Variants in BICC1 observed in about 807,000 individuals in gnomAD.
The protein encoded by BICC1 is protein bicaudal C homolog 1.
BICC1 carries 43 observed loss-of-function variants against 111.0 expected under a neutral mutation model. The observed-to-expected ratio is 0.39, with a 90% CI of 0.30 to 0.50. BICC1 has a LOEUF of 0.50. Among genes scored for constraint, BICC1 ranks in the 20% least tolerant of loss-of-function variants. BICC1 has a pLI of 0.88. For missense variants in BICC1, 1,091 were observed against 1,203.2 expected (o/e 0.91, Z 1.38); for synonymous variants, 467 against 434.4 (o/e 1.07, Z -0.93).
chr10:58,541,390 T>C (rs762424665), intron 1 of BICC1, among the ~76,000 whole-genome samples: 4 of 152,104 alleles, frequency 2.6e-5, no homozygotes. Context: ...CAAAAGTCAG[T>C]TACATTTCTA....
intron 3 of BICC1, among the ~76,000 whole-genome samples, chr10:58,713,984 A>G (rs1840656888): frequency 6.6e-6 from 1 of 152,208 alleles, no homozygotes; most frequent in Non-Finnish European, 1.5e-5. Context: ...CAATATCTGG[A>G]GACATTTTTC....
chr10:58,575,592 GT>G (rs757034862), intron 1 of BICC1, among the ~76,000 whole-genome samples: 1 of 150,412 alleles, frequency 6.6e-6, no homozygotes, highest in East Asian at 2.0e-4. Context: ...GTTGTTGTTG[GT>G]TTTTTTTTGT....
intron 2 of BICC1, among the ~76,000 whole-genome samples, chr10:58,660,655 A>C (rs12412128): frequency 0.4 from 61,153 of 152,004 alleles, 14,017 homozygotes; most frequent in African/African-American, 0.61. Context: ...CAGTATTCCA[A>C]CTACTCAAGA....
intron 3 of BICC1, among the ~76,000 whole-genome samples, chr10:58,727,310 C>T (rs1184635775): frequency 2.0e-5 from 3 of 152,106 alleles, no homozygotes; most frequent in East Asian, 1.9e-4. Context: ...TTTCAGGCTG[C>T]GCACAATGGC....
chr10:58,678,323 A>G (rs1839409263), intron 2 of BICC1, among the ~76,000 whole-genome samples: 1 of 152,252 alleles, frequency 6.6e-6, no homozygotes, highest in African/African-American at 2.4e-5. Context: ...AAAGACACAC[A>G]TAGTCTCAAA....
At chr10:58,717,547 G>T (rs1840786711) in intron 3 of BICC1, among the ~76,000 whole-genome samples, 1 of 152,054 alleles carries the variant, frequency 6.6e-6, no homozygotes, top group Non-Finnish European at 1.5e-5. Flanking sequence ...AATAAGCAGA[G>T]AACTTCTTCT....
intron 1 of BICC1, among the ~76,000 whole-genome samples, chr10:58,590,979 C>G (rs1321573038): frequency 1.3e-5 from 2 of 152,196 alleles, no homozygotes; most frequent in Non-Finnish European, 2.9e-5. Flanking sequence ...TTTTCTAGTT[C>G]AATGATCTTT....
At chr10:58,670,026 A>G (rs1839134566) in intron 2 of BICC1, among the ~76,000 whole-genome samples, 1 of 152,194 alleles carries the variant, frequency 6.6e-6, no homozygotes, top group African/African-American at 2.4e-5. Context: ...TTTTAAAGAA[A>G]TGCAGCTTGG....
At chr10:58,739,121 G>A (rs11006243) in intron 3 of BICC1, among the ~76,000 whole-genome samples, 5,731 of 152,214 alleles carry the variant, frequency 0.038, 402 homozygotes, top group African/African-American at 0.13. Flanking sequence ...CCAACACTAT[G>A]TTGAATGGGA....
chr10:58,614,419 A>G (rs1845535701), intron 1 of BICC1, among the ~76,000 whole-genome samples: 1 of 152,336 alleles, frequency 6.6e-6, no homozygotes. Flanking sequence ...TTGAGGTAAA[A>G]TCAGGCTCAG....
intron 1 of BICC1, among the ~76,000 whole-genome samples, chr10:58,568,047 C>T (rs956087636): frequency 2.0e-5 from 3 of 152,122 alleles, no homozygotes; most frequent in Non-Finnish European, 4.4e-5. Context: ...CAGTCAGTGG[C>T]ATTCTACTCC....
At chr10:58,795,212 T>A (rs1040147180) in intron 9 of BICC1, among the ~76,000 whole-genome samples, 2 of 152,208 alleles carry the variant, frequency 1.3e-5, no homozygotes, top group African/African-American at 4.8e-5. Flanking sequence ...ATAATATGTA[T>A]TTTATATAAT....
At position 58,711,749 on chromosome 10, in the gene BICC1, G is replaced by C. The variant is rs191121443; in HGVS notation, c.307+9606G>C. On this transcript the variant is annotated intron_variant, in intron 3 of 20. Transcript: ENST00000373886. ...AGGGTCAGAGAGGAAAATGGTCTCA[G>C]CTTTTCAGTTATCTTCTCAAGCCTA... is the stretch of plus-strand genomic sequence containing the variant. 1.9e-3 allele frequency among the ~76,000 whole-genome samples: 280 copies of C among 150,742 alleles called. 1 individual carries two copies. Among genetic ancestry groups the C allele is most frequent in the African/African-American group, 6.6e-3 (269 of 41,050 alleles).
intron 2 of BICC1, among the ~76,000 whole-genome samples, chr10:58,645,549 A>T (rs1838245276): frequency 6.6e-6 from 1 of 152,154 alleles, no homozygotes; most frequent in Non-Finnish European, 1.5e-5. Flanking sequence ...TTCAACAAAC[A>T]CAAAAGACAT....
In BICC1 at chr10:58,604,716, G is replaced by A. The variant is rs182648627; in HGVS notation, c.191-16139G>A. On this transcript the variant is annotated intron_variant, in intron 1 of 20. Transcript: ENST00000373886. ...CTTTACAAATCCTGAATGAATATTA[G>A]TTCATGCTTTTATGTCTTTAGAAAA... Among the ~76,000 whole-genome samples the A allele has an allele frequency of 7.4e-3, 1,125 of 152,254 alleles. 10 individuals carry two copies. The highest frequency in any genetic ancestry group is 0.013 in the Non-Finnish European group (857 of 68,016).
chr10:58,737,529 C>T (rs891857933), intron 3 of BICC1, among the ~76,000 whole-genome samples: 5 of 152,176 alleles, frequency 3.3e-5, no homozygotes, highest in Admixed American at 1.3e-4. Flanking sequence ...TCCAAGTCTT[C>T]GCTATTGTGA....
intron 3 of BICC1, among the ~76,000 whole-genome samples, chr10:58,718,790 A>G (rs1365385220): frequency 3.7e-4 from 52 of 139,688 alleles, no homozygotes; most frequent in African/African-American, 1.5e-3. Flanking sequence ...GCGCGTGCGC[A>G]CGCCCGCGTG....
intron 3 of BICC1, among the ~76,000 whole-genome samples, chr10:58,720,939 C>A (rs1398471797): frequency 3.9e-5 from 6 of 152,136 alleles, no homozygotes. Context: ...ATGGTCTTGG[C>A]CCACCTGTGA....
At chr10:58,799,292 G>A in intron 12 of BICC1, 40 bp downstream of exon 12, 1 of 1,452,994 alleles carries the variant, frequency 6.9e-7, no homozygotes, top group Non-Finnish European at 9.2e-7. Flanking sequence ...GATCTGTACT[G>A]TTTGTAAGAG....
Sources: allele counts gnomAD v4.1 joint callset (sites outside exome capture counted in the v4.1 genomes callset), GRCh38; gene constraint gnomAD v4.1.1; transcripts MANE v1.5; gene names NCBI Gene and HGNC (gene_info 2026-07-23, HGNC 2026-07-21).